GAK: variants seen among roughly 807,000 people sequenced by gnomAD.
The protein encoded by GAK is cyclin-G-associated kinase.
A neutral mutation model predicts 143.9 loss-of-function variants in GAK; 79 were observed. The ratio of observed to expected loss-of-function variants is 0.55; its 90% CI spans 0.46 to 0.66. The LOEUF is 0.66. Ranked by LOEUF, GAK falls within the 30% of genes least tolerant of loss-of-function variation. GAK has a pLI of 0.00. For synonymous variants in GAK, 881 were observed against 765.5 expected, an observed-to-expected ratio of 1.15 and a Z score of -2.49; for missense variants, 1,693 against 1,779.7, an observed-to-expected ratio of 0.95 and a Z score of 0.88.
chr4:860,341 C>G (rs1390183565), intron 23 of GAK, among the ~76,000 whole-genome samples: 1 of 103,894 alleles, frequency 9.6e-6, no homozygotes, highest in Admixed American at 9.3e-5. Flanking sequence ...GAATGACACT[C>G]TGTCTCAAAA....
chr4:878,701 T>C (rs549999236), intron 15 of GAK, among the ~76,000 whole-genome samples: 13 of 152,326 alleles, frequency 8.5e-5, no homozygotes, highest in Non-Finnish European at 1.3e-4. Flanking sequence ...TTTTGCCTGA[T>C]GGATGTGGAA....
intron 24 of GAK, among the ~76,000 whole-genome samples, chr4:857,656 T>TCC (rs1749531451): frequency 1.3e-5 from 2 of 152,050 alleles, no homozygotes; most frequent in African/African-American, 4.8e-5. Context: ...TCCTGCACCA[T>TCC]CCCCCATATC....
chr4:883,208 C>G (rs1577150043), intron 13 of GAK, 107 bp downstream of exon 13: 11 of 1,346,554 alleles, frequency 8.2e-6, no homozygotes, highest in Non-Finnish European at 1.1e-5. Flanking sequence ...AGACCTCCGG[C>G]CGCCCCCATC....
intron 18 of GAK, among the ~76,000 whole-genome samples, chr4:871,983 C>A (rs912830009): frequency 2.0e-5 from 3 of 152,276 alleles, no homozygotes; most frequent in African/African-American, 7.2e-5. Context: ...AGAAGAAACA[C>A]AAAAGAGTGG....
Position 882,839 on chromosome 4 carries a change from T to A in GAK, c.1405-20A>T. The A allele has an allele frequency of 1.9e-6, 3 of 1,604,178 alleles. No homozygotes were observed. The highest frequency in any genetic ancestry group is 2.5e-6 in the Non-Finnish European group (3 of 1,178,242). ...GGAGACCTGTGGGGACAGGGCACGG[T>A]GGCACGGACGGCAGAGGAGCCCCGC... On this transcript the variant is annotated intron_variant, in intron 13 of 27. Transcript: ENST00000314167.
At chr4:850,875 T>A (rs1327429561) in intron 26 of GAK, 61 bp downstream of exon 26, 61 of 1,554,234 alleles carry the variant, frequency 3.9e-5, no homozygotes, top group Non-Finnish European at 5.0e-5. Context: ...GCACAGCAGA[T>A]GCTCCAGGGG....
At chr4:891,268 CTTTTTTTT>C (rs773128359) in intron 9 of GAK, among the ~76,000 whole-genome samples, 209 of 142,396 alleles carry the variant, frequency 1.5e-3, no homozygotes, top group African/African-American at 5.2e-3. Context: ...GGCTTTTTTT[CTTTTTTTT>C]TTTTTTGAAA....
At chr4:925,067 A>T (rs55686002) in intron 1 of GAK, among the ~76,000 whole-genome samples, 1,763 of 152,328 alleles carry the variant, frequency 0.012, 24 homozygotes, top group East Asian at 0.031. Context: ...ATCTCAAAAA[A>T]ATAAGAATAA....
chr4:888,162 G>C (rs1289999695), intron 11 of GAK: 1 of 152,274 alleles, frequency 6.6e-6, no homozygotes, highest in African/African-American at 2.4e-5. Flanking sequence ...CTGCATCACG[G>C]GCACCAGTCC....
intron 22 of GAK, 116 bp from the exon 23 acceptor site, chr4:865,360 G>A (rs1012577313): frequency 6.0e-5 from 79 of 1,316,612 alleles, no homozygotes; most frequent in Non-Finnish European, 7.9e-5. Flanking sequence ...CACCCAGGCT[G>A]AGCTGAGGCT....
In GAK at chr4:911,713, C is replaced by T. The variant is rs1224706483; in HGVS notation, c.342G>A (p.Thr114=). ...AASIGKEESD[T]GQAEFLLLTE... is the part of the protein sequence containing the mutation. ...TGAGCAAGAGGAACTCAGCCTGCCC[C>T]GTGTCTGACTCCTCTTTTCCTATAG... The change falls in exon 4 of 28, where the codon ACG becomes ACA. Residue 114 remains threonine, a synonymous_variant. Coordinates refer to ENST00000314167, the MANE Select transcript of GAK (RefSeq NM_005255.4). 3.1e-6 allele frequency: 5 copies of T among 1,613,800 alleles called. No homozygotes were observed. In the African/African-American group the frequency reaches 4.0e-5, roughly 13 times the overall value.
At chr4:931,783 G>C (rs563707420) in intron 1 of GAK, among the ~76,000 whole-genome samples, 22 of 152,052 alleles carry the variant, frequency 1.4e-4, no homozygotes, top group African/African-American at 4.3e-4. Flanking sequence ...CTTATGACAA[G>C]AAAGTACCCC....
chr4:865,333 G>T (rs1351422545), intron 22 of GAK, 89 bp from the exon 23 acceptor site: 4 of 1,540,200 alleles, frequency 2.6e-6, no homozygotes, highest in African/African-American at 1.4e-5. Flanking sequence ...CAGGGCCCTA[G>T]GAGCGGACAC....
chr4:881,207 G>T (rs1183482188), intron 15 of GAK, among the ~76,000 whole-genome samples: 2 of 152,188 alleles, frequency 1.3e-5, no homozygotes, highest in African/African-American at 2.4e-5. Context: ...CCGCCACGGT[G>T]GGGCCACGGG....
chr4:913,656 A>T lies in GAK; in HGVS notation c.158T>A (p.Phe53Tyr). 1 of 1,613,294 alleles carries T rather than the reference A, an allele frequency of 6.2e-7. No homozygotes were observed. Residue 53 changes from phenylalanine (F) to tyrosine (Y), a missense_variant, in exon 2 of 28, where the codon TTT becomes TAT. This residue lies in a region of GAK where 871 missense variants were observed against 991.0 expected (regional missense o/e 0.88). Coordinates refer to ENST00000314167, the MANE Select transcript of GAK (RefSeq NM_005255.4). ...RRVLAEGGFA[F>Y]VYEAQDVGSG... ...CCCCACATCTTGAGCTTCATACACA[A>T]ATGCAAACCCTCCTGAAAATTAAAA...
chr4:882,689 G>A lies in GAK; in HGVS notation c.1527+8C>T, dbSNP rs772748400. 1.1e-5 allele frequency: 17 copies of A among 1,610,830 alleles called. No individual in the cohort carries two copies. The highest frequency in any genetic ancestry group is 1.4e-5 in the Non-Finnish European group (17 of 1,179,886). On this transcript the variant is annotated splice_region_variant and intron_variant, in intron 14 of 27. Coordinates refer to ENST00000314167, the MANE Select transcript of GAK (RefSeq NM_005255.4). ...AAGACGGCGCCAGCCCACGGCCCTCGAGCTCACCATGCAGTGCACGACGCA... is the reference window on the plus strand; with the variant it reads ...AAGACGGCGCCAGCCCACGGCCCTCAAGCTCACCATGCAGTGCACGACGCA...
intron 1 of GAK, among the ~76,000 whole-genome samples, chr4:914,932 CAA>C (rs1722846776): frequency 8.0e-6 from 1 of 124,482 alleles, no homozygotes; most frequent in African/African-American, 3.1e-5. Context: ...ATACGGCCCC[CAA>C]CACACACAGC....
In GAK at chr4:913,640, T is replaced by C. The variant is rs1560426680; in HGVS notation, c.174A>G (p.Gln58=). 4.3e-6 allele frequency: 7 copies of C among 1,613,618 alleles called. No homozygotes were observed. In the Admixed American group the frequency reaches 5.0e-5, roughly 12 times the overall value. The part of the protein sequence containing the change: ...EGGFAFVYEA[Q]DVGSGREYAL... ...CATACTCTCTGCCACTCCCCACATCTTGAGCTTCATACACAAATGCAAACC... is the reference window on the plus strand; with the variant it reads ...CATACTCTCTGCCACTCCCCACATCCTGAGCTTCATACACAAATGCAAACC... The change falls in exon 2 of 28, where the codon CAA becomes CAG. Residue 58 remains glutamine (Q), a synonymous_variant. Coordinates refer to ENST00000314167, the MANE Select transcript of GAK (RefSeq NM_005255.4).
At chr4:893,564 A>C in intron 8 of GAK, 75 bp from the exon 9 acceptor site, 1 of 1,090,268 alleles carries the variant, frequency 9.2e-7, no homozygotes, top group South Asian at 1.7e-5. Context: ...GGCAGAGGTC[A>C]CAGACCACCA....
Sources: gnomAD v4.1 joint callset for allele counts (sites outside exome capture counted in the v4.1 genomes callset) on GRCh38, gnomAD v4.1.1 for gene constraint, gnomAD v4.1.1 regional missense constraint, MANE v1.5 for transcripts, NCBI Gene and HGNC (gene_info 2026-07-23, HGNC 2026-07-21) for gene names.